Variants in SLAMF6 observed in about 807,000 individuals in gnomAD.
The protein encoded by SLAMF6 is SLAM family member 6.
Under a neutral mutation model 38.3 loss-of-function variants are expected in SLAMF6, and 21 were observed. The ratio of observed to expected loss-of-function variants is 0.55; its 90% CI spans 0.39 to 0.79. The LOEUF is 0.79. Among genes scored for constraint, SLAMF6 ranks in the 30% least tolerant of loss-of-function variants. The pLI is 0.00. For synonymous variants in SLAMF6, 152 were observed against 146.3 expected, an observed-to-expected ratio of 1.04 and a Z score of -0.28; for missense variants, 341 against 385.3, an observed-to-expected ratio of 0.89 and a Z score of 0.96.
At chr1:160,493,268 G>A (rs1006616164) in intron 2 of SLAMF6, among the ~76,000 whole-genome samples, 38 of 152,064 alleles carry the variant, frequency 2.5e-4, no homozygotes, top group African/African-American at 8.9e-4. Context: ...TGCGGATGGC[G>A]TGTCTTCCAG....
intron 1 of SLAMF6, among the ~76,000 whole-genome samples, chr1:160,510,158 C>T (rs1654399743): frequency 6.6e-6 from 1 of 152,086 alleles, no homozygotes; most frequent in South Asian, 2.1e-4. Context: ...GTAAATTCTA[C>T]TAATTATTCA....
At chr1:160,490,852 GC>G in intron 3 of SLAMF6, 167 bp from the exon 4 acceptor site, 1 of 632,846 alleles carries the variant, frequency 1.6e-6, no homozygotes, top group Non-Finnish European at 2.0e-6. Flanking sequence ...GGAGGGTGGG[GC>G]CCAGTGGAGT....
intron 1 of SLAMF6, among the ~76,000 whole-genome samples, chr1:160,521,541 T>A (rs929005774): frequency 6.6e-6 from 1 of 152,196 alleles, no homozygotes; most frequent in Non-Finnish European, 1.5e-5. Context: ...AAGTGGCTCT[T>A]GAATGAAGGA....
intron 3 of SLAMF6, 82 bp downstream of exon 3, chr1:160,491,043 T>C: frequency 6.5e-7 from 1 of 1,548,768 alleles, no homozygotes; most frequent in Non-Finnish European, 8.8e-7. Context: ...ACTGGGCCAC[T>C]GTATTGGAAA....
intron 5 of SLAMF6, 124 bp downstream of exon 5, chr1:160,490,074 G>T: frequency 9.0e-7 from 1 of 1,106,766 alleles, no homozygotes; most frequent in Non-Finnish European, 1.4e-6. Context: ...ACAGCATGTG[G>T]TCTGAGTAAT....
chr1:160,516,775 A>T (rs942832286), intron 1 of SLAMF6, among the ~76,000 whole-genome samples: 1 of 152,216 alleles, frequency 6.6e-6, no homozygotes, highest in Non-Finnish European at 1.5e-5. Flanking sequence ...TTCACTATTT[A>T]ATAACTGGTG....
In SLAMF6 at chr1:160,486,504, C is replaced by T; in HGVS notation, c.*203G>A. The T allele has an allele frequency of 3.6e-6, 2 of 549,596 alleles. No individual in the cohort carries two copies. The highest frequency in any genetic ancestry group is 6.5e-6 in the Non-Finnish European group (2 of 308,606). The allele number at this position is 549,596 out of a possible 1,614,324, so 34.0% of individuals were successfully genotyped here. A position where few individuals can be genotyped will look rare whatever the true frequency, so the allele number is the denominator to read the frequency against. Reference sequence around the variant, plus strand: ...AGTGGATTGGAAAATATTATTTGAACCACATGCTGGAAATGATGTTATCCT... The same window carrying T: ...AGTGGATTGGAAAATATTATTTGAATCACATGCTGGAAATGATGTTATCCT... On this transcript the variant is annotated 3_prime_UTR_variant, in exon 8 of 8. Coordinates refer to ENST00000368057, the MANE Select transcript of SLAMF6 (RefSeq NM_001184714.2).
chr1:160,491,392 TTTGC>T lies in SLAMF6; in HGVS notation c.383-8_383-5del. The T allele has an allele frequency of 6.2e-7, 1 of 1,602,922 alleles. No homozygotes were observed. The highest frequency in any genetic ancestry group is 1.7e-5 in the Admixed American group (1 of 57,968). On this transcript the variant is annotated splice_polypyrimidine_tract_variant and splice_region_variant and intron_variant, in intron 2 of 7. Transcript: ENST00000368057. ...ACTTGTATGTTCCTCAGTTGTCCTG[TTTGC>T]AGAAAAAAAAAAGATCCAGATTAAG...
chr1:160,504,219 A>G (rs2102043784), intron 1 of SLAMF6, among the ~76,000 whole-genome samples: 1 of 152,220 alleles, frequency 6.6e-6, no homozygotes, highest in Middle Eastern at 3.4e-3. Flanking sequence ...GGCTATACTT[A>G]TATTATTGTA....
At chr1:160,492,718 C>G (rs1232552158) in intron 2 of SLAMF6, among the ~76,000 whole-genome samples, 1 of 152,156 alleles carries the variant, frequency 6.6e-6, no homozygotes, top group African/African-American at 2.4e-5. Flanking sequence ...TCTCCCAAAC[C>G]TTCTCAACCT....
chr1:160,518,488 A>C (rs1654845504), intron 1 of SLAMF6, among the ~76,000 whole-genome samples: 1 of 152,230 alleles, frequency 6.6e-6, no homozygotes, highest in Non-Finnish European at 1.5e-5. Context: ...TCATTGCAGC[A>C]CTATTCATAA....
chr1:160,494,991 C>T (rs911670487), intron 2 of SLAMF6, among the ~76,000 whole-genome samples: 6 of 152,130 alleles, frequency 3.9e-5, no homozygotes, highest in Non-Finnish European at 7.4e-5. Context: ...CAGACATCAC[C>T]TCTTTCCCAT....
chr1:160,519,228 T>C (rs905614484), intron 1 of SLAMF6, among the ~76,000 whole-genome samples: 4 of 152,200 alleles, frequency 2.6e-5, no homozygotes, highest in African/African-American at 9.6e-5. Flanking sequence ...CATTTGTCAT[T>C]GGGAAAATGT....
chr1:160,518,388 C>T (rs142052641), intron 1 of SLAMF6, among the ~76,000 whole-genome samples: 1 of 152,288 alleles, frequency 6.6e-6, no homozygotes, highest in East Asian at 1.9e-4. Context: ...CAATTTGACC[C>T]AGCAATCCCA....
rs139012829 is a variant in SLAMF6 at position 160,498,395 on chromosome 1, T to C, written c.50-2002A>G. Among the ~76,000 whole-genome samples the C allele has an allele frequency of 1.1e-4, 16 of 152,288 alleles. No homozygotes were observed. In the East Asian group the frequency reaches 2.3e-3, roughly 22 times the overall value. ...AGACTAGTAATTTATAAAGGAAAGA[T>C]GTTTAATTGACTCACAGTTCCCCAT... On this transcript the variant is annotated intron_variant, in intron 1 of 7. Transcript: ENST00000368057.
chr1:160,506,023 C>G (rs1428879854), intron 1 of SLAMF6, among the ~76,000 whole-genome samples: 1 of 150,762 alleles, frequency 6.6e-6, no homozygotes, highest in East Asian at 2.0e-4. Context: ...TTGTGGGACA[C>G]CATCAAAAAT....
At chr1:160,501,703 T>TA (rs948254323) in intron 1 of SLAMF6, among the ~76,000 whole-genome samples, 72 of 152,022 alleles carry the variant, frequency 4.7e-4, no homozygotes, top group Middle Eastern at 3.4e-3. Flanking sequence ...CCTTGCTTTT[T>TA]TTTTTTTTTT....
chr1:160,495,990 A>G (rs1435002992), intron 2 of SLAMF6, 71 bp downstream of exon 2: 4 of 1,380,326 alleles, frequency 2.9e-6, no homozygotes, highest in Non-Finnish European at 4.0e-6. Flanking sequence ...TGCACATTTG[A>G]AGTCACATAG....
intron 2 of SLAMF6, among the ~76,000 whole-genome samples, chr1:160,492,440 G>A (rs1653353866): frequency 6.6e-6 from 1 of 152,080 alleles, no homozygotes; most frequent in Non-Finnish European, 1.5e-5. Context: ...CTATATCCAA[G>A]CCTCAGTTTC....
Sources: allele counts gnomAD v4.1 joint callset (sites outside exome capture counted in the v4.1 genomes callset), GRCh38; gene constraint gnomAD v4.1.1; transcripts MANE v1.5; gene names NCBI Gene and HGNC (gene_info 2026-07-23, HGNC 2026-07-21).